The following DLC1 variants were observed in gnomAD, a reference collection of about 807,000 sequenced individuals.
The protein encoded by DLC1 is rho GTPase-activating protein 7.
DLC1 carries 54 observed loss-of-function variants against 140.3 expected under a neutral mutation model. The ratio of observed to expected loss-of-function variants is 0.38; its 90% CI spans 0.31 to 0.48. The LOEUF (loss-of-function observed/expected upper bound fraction) is 0.48, where lower values mean the gene tolerates loss of function less well. DLC1 is among the 20% of genes least tolerant of loss of function. DLC1 has a pLI of 0.96. For synonymous variants in DLC1, 986 were observed against 728.1 expected, an observed-to-expected ratio of 1.35 and a Z score of -5.70; for missense variants, 2,536 against 1,907.0, an observed-to-expected ratio of 1.33 and a Z score of -6.14.
chr8:13,200,233 A>T (rs1827305534), intron 5 of DLC1, among the ~76,000 whole-genome samples: 1 of 148,066 alleles, frequency 6.8e-6, no homozygotes, highest in Non-Finnish European at 1.5e-5. Context: ...TTGTATATAT[A>T]TATTTTTTTT....
intron 1 of DLC1, chr8:13,566,823 C>T (rs933648776): frequency 3.5e-6 from 3 of 857,628 alleles, no homozygotes; most frequent in Non-Finnish European, 1.7e-6. Context: ...AGTCACTGCG[C>T]ATGAGCGGCC....
At chr8:13,547,897 CTTT>C (rs1803707274) in intron 1 of DLC1, among the ~76,000 whole-genome samples, 1 of 150 alleles carries the variant, frequency 6.7e-3, no homozygotes, top group Non-Finnish European at 0.013. Context: ...TGGAATCTCT[CTTT>C]TTTCTTGTCT....
intron 3 of DLC1, among the ~76,000 whole-genome samples, chr8:13,394,700 C>T (rs1027175882): frequency 1.3e-5 from 2 of 152,086 alleles, no homozygotes; most frequent in Admixed American, 6.6e-5. Context: ...TATCATGTCC[C>T]GCACCCCAAC....
chr8:13,200,166 C>G (rs1464201336), intron 5 of DLC1, among the ~76,000 whole-genome samples: 1 of 152,072 alleles, frequency 6.6e-6, no homozygotes, highest in Admixed American at 6.6e-5. Context: ...CCTCTGCCTC[C>G]TGAGTAGCTG....
At chr8:13,558,214 C>G (rs531552707) in intron 1 of DLC1, 12 of 152,306 alleles carry the variant, frequency 7.9e-5, no homozygotes, top group African/African-American at 1.7e-4. Context: ...CCTGGTTCTT[C>G]TATTCTGTTT....
intron 2 of DLC1, among the ~76,000 whole-genome samples, chr8:13,469,188 T>A (rs1800093802): frequency 6.6e-6 from 1 of 152,240 alleles, no homozygotes; most frequent in Non-Finnish European, 1.5e-5. Flanking sequence ...TTAATTGAGT[T>A]TATATCATTC....
intron 5 of DLC1, among the ~76,000 whole-genome samples, chr8:13,143,094 T>A (rs943642966): frequency 1.3e-5 from 2 of 149,868 alleles, no homozygotes; most frequent in Admixed American, 6.6e-5. Flanking sequence ...CAATATCATA[T>A]TGGTGGGTGC....
intron 5 of DLC1, among the ~76,000 whole-genome samples, chr8:13,148,838 G>A (rs958545511): frequency 6.6e-6 from 1 of 151,926 alleles, no homozygotes; most frequent in East Asian, 1.9e-4. Flanking sequence ...TGTCTCCCAG[G>A]CTGGAGTGCA....
chr8:13,375,026 GAT>G (rs1491118864), intron 4 of DLC1, among the ~76,000 whole-genome samples: 3 of 94,298 alleles, frequency 3.2e-5, no homozygotes, highest in African/African-American at 1.2e-4. Context: ...GAATGCTTGT[GAT>G]TTTTTTTTTT....
chr8:13,580,962 G>A (rs1185051177), intron 1 of DLC1, among the ~76,000 whole-genome samples: 2 of 152,184 alleles, frequency 1.3e-5, no homozygotes, highest in Non-Finnish European at 1.5e-5. Context: ...CTTCCCACCA[G>A]TACTGAACTA....
chr8:13,551,608 G>T (rs550245936), intron 1 of DLC1, among the ~76,000 whole-genome samples: 43 of 151,894 alleles, frequency 2.8e-4, no homozygotes, highest in African/African-American at 9.6e-4. Context: ...GGCATGTTAA[G>T]GTCCTTTGAG....
At chr8:13,129,228 G>A (rs906273122) in intron 5 of DLC1, among the ~76,000 whole-genome samples, 12 of 152,334 alleles carry the variant, frequency 7.9e-5, no homozygotes, top group African/African-American at 2.6e-4. Context: ...TTCCTTCAAA[G>A]AGGAACAGCC....
At chr8:13,511,274 C>G (rs1585227704) in intron 1 of DLC1, among the ~76,000 whole-genome samples, 1 of 152,032 alleles carries the variant, frequency 6.6e-6, no homozygotes, top group Admixed American at 6.6e-5. Context: ...ACCCATTTAT[C>G]TCAATTAATG....
At chr8:13,502,296 G>C (rs1317492437) in intron 1 of DLC1, among the ~76,000 whole-genome samples, 2 of 152,104 alleles carry the variant, frequency 1.3e-5, no homozygotes, top group East Asian at 1.9e-4. Flanking sequence ...AACTCTTCTT[G>C]CTTTCATTTC....
At chr8:13,128,035 G>T (rs1268587568) in intron 5 of DLC1, among the ~76,000 whole-genome samples, 2 of 151,090 alleles carry the variant, frequency 1.3e-5, no homozygotes, top group African/African-American at 4.9e-5. Flanking sequence ...AGTAAGTCTA[G>T]TAGAACAAAA....
chr8:13,503,675 GTAGT>G (rs1220513762), intron 1 of DLC1, among the ~76,000 whole-genome samples: 3 of 152,190 alleles, frequency 2.0e-5, no homozygotes, highest in African/African-American at 7.2e-5. Flanking sequence ...AGAACTGACA[GTAGT>G]TAGTTCATAA....
intron 5 of DLC1, among the ~76,000 whole-genome samples, chr8:13,134,110 T>C (rs1429334738): frequency 6.6e-6 from 1 of 152,184 alleles, no homozygotes; most frequent in African/African-American, 2.4e-5. Context: ...TTTTACAAGC[T>C]CTCAGATGAT....
At chr8:13,143,434 G>C (rs563962326) in intron 5 of DLC1, among the ~76,000 whole-genome samples, 104 of 152,238 alleles carry the variant, frequency 6.8e-4, no homozygotes, top group African/African-American at 2.2e-3. Flanking sequence ...TCCTAGGTAG[G>C]TTAGAAAAGG....
At chr8:13,276,923 T>A (rs1017645553) in intron 5 of DLC1, 1 of 152,334 alleles carries the variant, frequency 6.6e-6, no homozygotes, top group African/African-American at 2.4e-5. Flanking sequence ...GGTTTTAGAT[T>A]AGGCGGTTGA....
Sources: gnomAD v4.1 joint callset for allele counts (sites outside exome capture counted in the v4.1 genomes callset) on GRCh38, gnomAD v4.1.1 for gene constraint, MANE v1.5 for transcripts, NCBI Gene and HGNC (gene_info 2026-07-23, HGNC 2026-07-21) for gene names.